Variants in EPB41 observed in about 807,000 individuals in gnomAD.
The protein encoded by EPB41 is erythrocyte membrane protein band 4.1.
EPB41 carries 65 observed loss-of-function variants against 108.0 expected under a neutral mutation model. The observed-to-expected ratio is 0.60, with a 90% CI of 0.49 to 0.74. The LOEUF is 0.74. Ranked by LOEUF, EPB41 falls within the 30% of genes least tolerant of loss-of-function variation. The probability of loss-of-function intolerance (pLI) is 0.00; values close to 1 mark genes in which losing one functional copy is unlikely to be tolerated. For missense variants in EPB41, 875 were observed against 1,037.0 expected (o/e 0.84, Z 2.15); for synonymous variants, 336 against 358.9 (o/e 0.94, Z 0.72).
At chr1:28,971,244 C>T (rs1224737140) in intron 1 of EPB41, among the ~76,000 whole-genome samples, 4 of 114,626 alleles carry the variant, frequency 3.5e-5, no homozygotes, top group South Asian at 3.0e-4. Context: ...AGTGCAGTGG[C>T]GCGATCTTGG....
intron 16 of EPB41, among the ~76,000 whole-genome samples, chr1:29,075,879 T>C (rs1465953588): frequency 6.6e-6 from 1 of 152,194 alleles, no homozygotes; most frequent in African/African-American, 2.4e-5. Flanking sequence ...TCAATTCCTC[T>C]CTCTTCCAGT....
chr1:28,946,503 A>G (rs920117351), intron 1 of EPB41, among the ~76,000 whole-genome samples: 1 of 152,234 alleles, frequency 6.6e-6, no homozygotes, highest in South Asian at 2.1e-4. Context: ...AGGATTAACT[A>G]GACATAATGT....
chr1:28,909,330 C>G (rs1352361950), intron 1 of EPB41, among the ~76,000 whole-genome samples: 2 of 151,926 alleles, frequency 1.3e-5, no homozygotes, highest in African/African-American at 4.8e-5. Flanking sequence ...AAGCTAGGTA[C>G]AGTGGCCTGT....
In EPB41 at chr1:29,018,535, A is replaced by G; in HGVS notation, c.1124+93A>G. ...GTTCATTGTTTGCCTAAGAGGGATCATGGTGCCATAGAAAGAGTCAGTTTC... is the reference window on the plus strand; with the variant it reads ...GTTCATTGTTTGCCTAAGAGGGATCGTGGTGCCATAGAAAGAGTCAGTTTC... On this transcript the variant is annotated intron_variant, in intron 7 of 20. Coordinates refer to ENST00000343067, the MANE Select transcript of EPB41 (RefSeq NM_001376013.1). The surrounding 1 kb of genome is among the most constrained non-coding windows in gnomAD (Gnocchi z 4.4). The G allele has an allele frequency of 2.4e-6, 3 of 1,259,300 alleles. No homozygotes were observed. The highest frequency in any genetic ancestry group is 1.5e-5 in the African/African-American group (1 of 67,938). 78.0% of individuals were successfully genotyped at this position (1,259,300 alleles called of 1,614,324 possible).
chr1:29,097,412 G>C, intron 16 of EPB41: 1 of 284,528 alleles, frequency 3.5e-6, no homozygotes, highest in South Asian at 3.8e-5. Flanking sequence ...TTCGTACTTA[G>C]TGGAGGAAAT....
At chr1:28,915,451 C>T (rs1435999919) in intron 1 of EPB41, among the ~76,000 whole-genome samples, 2 of 152,122 alleles carry the variant, frequency 1.3e-5, no homozygotes, top group African/African-American at 2.4e-5. Context: ...TCTGGGCTCG[C>T]CCTCCGAGAT....
intron 1 of EPB41, among the ~76,000 whole-genome samples, chr1:28,936,428 A>G (rs1196531094): frequency 6.6e-6 from 1 of 152,212 alleles, no homozygotes; most frequent in Admixed American, 6.5e-5. Flanking sequence ...GATATAATTT[A>G]CATATAAAAT....
chr1:29,050,933 C>T (rs1239450709), intron 11 of EPB41, among the ~76,000 whole-genome samples: 1 of 152,062 alleles, frequency 6.6e-6, no homozygotes, highest in Non-Finnish European at 1.5e-5. Flanking sequence ...CCTTGGCCTC[C>T]CAAAGTGCTG....
chr1:28,955,998 A>T (rs1276399863), intron 1 of EPB41, among the ~76,000 whole-genome samples: 4 of 152,244 alleles, frequency 2.6e-5, no homozygotes, highest in African/African-American at 9.6e-5. Context: ...TTGCTTTAGG[A>T]CCATATGCAT....
chr1:28,980,337 C>CA (rs1456124067), intron 1 of EPB41, among the ~76,000 whole-genome samples: 3 of 151,068 alleles, frequency 2.0e-5, no homozygotes, highest in Non-Finnish European at 2.9e-5. Context: ...GAACCTGTCT[C>CA]AAAAAAATAA....
At chr1:28,965,629 A>G (rs1056173792) in intron 1 of EPB41, among the ~76,000 whole-genome samples, 2 of 152,050 alleles carry the variant, frequency 1.3e-5, no homozygotes, top group Non-Finnish European at 2.9e-5. Context: ...CCTGGAGGTT[A>G]GGTGGGAATG....
At chr1:29,087,675 A>G (rs925718866) in intron 16 of EPB41, among the ~76,000 whole-genome samples, 2 of 152,164 alleles carry the variant, frequency 1.3e-5, no homozygotes, top group Non-Finnish European at 2.9e-5. Flanking sequence ...TCCTGCTTTT[A>G]ATAATATCTG....
intron 17 of EPB41, among the ~76,000 whole-genome samples, chr1:29,101,282 G>A (rs184166651): frequency 2.3e-4 from 35 of 152,194 alleles, no homozygotes; most frequent in African/African-American, 4.3e-4. Context: ...GCTCAATCAG[G>A]TAGGTACCAA....
At chr1:29,016,539 A>G (rs1220565547) in intron 6 of EPB41, among the ~76,000 whole-genome samples, 1 of 151,828 alleles carries the variant, frequency 6.6e-6, no homozygotes, top group Non-Finnish European at 1.5e-5. Context: ...CCTAAGTGTT[A>G]TTATTTCTTC....
In EPB41 at chr1:29,058,642, A is replaced by G; in HGVS notation, c.1899A>G (p.Thr633=). ...TACCCACCTCAAATGGTGACCAAAC[A>G]CAGGTTTGTGCCAATAGGCCACTTG... The part of the protein sequence containing the change: ...VTVPTSNGDQ[T]QKLAEKTEDL... The change falls in exon 13 of 21, where the codon ACA becomes ACG. Residue 633 remains threonine (T), a synonymous_variant. Transcript: ENST00000343067. 3 of 1,613,502 alleles carry G rather than the reference A, an allele frequency of 1.9e-6. No homozygotes were observed. The highest frequency in any genetic ancestry group is 2.5e-6 in the Non-Finnish European group (3 of 1,179,714).
chr1:29,107,898 G>A (rs1409836676), intron 17 of EPB41, among the ~76,000 whole-genome samples: 14 of 145,796 alleles, frequency 9.6e-5, no homozygotes, highest in African/African-American at 2.3e-4. Flanking sequence ...GCGTGGTGGC[G>A]CGTGCCTATA....
intron 16 of EPB41, among the ~76,000 whole-genome samples, chr1:29,081,781 G>A (rs1656752777): frequency 6.7e-6 from 1 of 149,390 alleles, no homozygotes; most frequent in African/African-American, 2.5e-5. Context: ...GTTGCAGTAA[G>A]CTGAGATCAC....
chr1:28,911,129 T>C, upstream of EPB41: 1 of 985,446 alleles, frequency 1.0e-6, no homozygotes, highest in Non-Finnish European at 1.2e-6. Flanking sequence ...TCCACCTTCA[T>C]ATTAGGCATT....
At chr1:28,907,783 T>A (rs1465952088) in intron 1 of EPB41, among the ~76,000 whole-genome samples, 1 of 151,966 alleles carries the variant, frequency 6.6e-6, no homozygotes, top group Admixed American at 6.6e-5. Flanking sequence ...TGGCTATTGT[T>A]TTTTTTTCCT....
Sources: gnomAD v4.1 joint callset for allele counts (sites outside exome capture counted in the v4.1 genomes callset) on GRCh38, gnomAD v4.1.1 for gene constraint, Gnocchi (gnomAD v3.1) non-coding constraint, MANE v1.5 for transcripts, NCBI Gene and HGNC (gene_info 2026-07-23, HGNC 2026-07-21) for gene names.